Variants in KCND2 observed in about 807,000 individuals in gnomAD.
KCND2 encodes the protein potassium voltage-gated channel subfamily D member 2, also known as A-type voltage-gated potassium channel KCND2.
In KCND2, 16 loss-of-function variants were observed where a neutral mutation model predicts 54.4. The observed-to-expected ratio is 0.29, with a 90% confidence interval of 0.20 to 0.45. KCND2 has a LOEUF of 0.45. Among genes scored for constraint, KCND2 ranks in the 20% least tolerant of loss-of-function variants. The pLI, the probability that KCND2 is intolerant of heterozygous loss-of-function variation, is 1.00. For missense variants in KCND2, 486 were observed against 824.2 expected (o/e 0.59, Z 5.02); for synonymous variants, 317 against 310.7 (o/e 1.02, Z -0.21).
At chr7:120,525,517 G>T (rs1183213485) in intron 1 of KCND2, among the ~76,000 whole-genome samples, 1 of 152,092 alleles carries the variant, frequency 6.6e-6, no homozygotes, top group African/African-American at 2.4e-5. Flanking sequence ...CAAAATTCCT[G>T]CTTACAATTC....
At chr7:120,539,803 C>G (rs576145610) in intron 1 of KCND2, among the ~76,000 whole-genome samples, 1 of 152,070 alleles carries the variant, frequency 6.6e-6, no homozygotes, top group East Asian at 1.9e-4. Context: ...AATCCCAATC[C>G]CAATACAGTA....
rs777858387 is a variant in KCND2, at chr7:120,575,743, T to C, written c.1116-157160T>C. Among the ~76,000 whole-genome samples, 55 of 152,208 alleles carry C rather than the reference T, an allele frequency of 3.6e-4. 1 individual carries two copies. The highest frequency in any genetic ancestry group is 1.0e-4 in the Non-Finnish European group (7 of 68,032). ...GTGCTTAAATCAAACGAATACGTTCTTATTTAGCCCTGAATGTCTGGCTAT... is the reference window on the plus strand; with the variant it reads ...GTGCTTAAATCAAACGAATACGTTCCTATTTAGCCCTGAATGTCTGGCTAT... On this transcript the variant is annotated intron_variant, in intron 1 of 5. Transcript: ENST00000331113.
intron 1 of KCND2, among the ~76,000 whole-genome samples, chr7:120,541,614 A>G (rs1370072222): frequency 6.6e-6 from 1 of 152,120 alleles, no homozygotes; most frequent in Non-Finnish European, 1.5e-5. Flanking sequence ...AAGGTCCTTC[A>G]GTTGGCTGCC....
intron 2 of KCND2, among the ~76,000 whole-genome samples, chr7:120,737,132 C>A (rs1168799043): frequency 5.4e-5 from 8 of 148,282 alleles, no homozygotes; most frequent in African/African-American, 1.7e-4. Flanking sequence ...ACTCCCAAAT[C>A]ATCAGACTCT....
At chr7:120,482,368 A>C (rs542280388) in intron 1 of KCND2, among the ~76,000 whole-genome samples, 1 of 152,286 alleles carries the variant, frequency 6.6e-6, no homozygotes, top group African/African-American at 2.4e-5. Context: ...TAGATTTTGG[A>C]CTTTTGAACT....
At chr7:120,741,294 TTAATTA>T (rs1792937858) in intron 2 of KCND2, among the ~76,000 whole-genome samples, 1 of 152,166 alleles carries the variant, frequency 6.6e-6, no homozygotes, top group African/African-American at 2.4e-5. Flanking sequence ...TTGTAAAGAC[TTAATTA>T]TAATTCTTAA....
rs537553821 is a variant in KCND2, at chr7:120,601,750, T to C, written c.1116-131153T>C. Among the ~76,000 whole-genome samples, 4 of 152,282 alleles carry C rather than the reference T, an allele frequency of 2.6e-5. No individual in the cohort carries two copies. The East Asian group carries it at 7.7e-4, about 29-fold the overall frequency. On this transcript the variant is annotated intron_variant, in intron 1 of 5. Transcript: ENST00000331113. Reference sequence around the variant, plus strand: ...CTGCAAAGACACCCTGACCAATTCTTTCTACCTCTGCCCACAAAAATTTGA... The same window carrying C: ...CTGCAAAGACACCCTGACCAATTCTCTCTACCTCTGCCCACAAAAATTTGA...
At chr7:120,306,144 C>A (rs553137468) in intron 1 of KCND2, among the ~76,000 whole-genome samples, 1 of 152,014 alleles carries the variant, frequency 6.6e-6, no homozygotes, top group Non-Finnish European at 1.5e-5. Flanking sequence ...TTTTGTGTCT[C>A]TTACCTTATC....
intron 1 of KCND2, among the ~76,000 whole-genome samples, chr7:120,315,934 G>A (rs545178712): frequency 1.3e-5 from 2 of 152,140 alleles, no homozygotes; most frequent in Admixed American, 6.5e-5. Flanking sequence ...GTTTGTGGAT[G>A]TATCAGAATT....
At chr7:120,674,089 A>G (rs1792027963) in intron 1 of KCND2, among the ~76,000 whole-genome samples, 1 of 151,976 alleles carries the variant, frequency 6.6e-6, no homozygotes, top group Admixed American at 6.5e-5. Flanking sequence ...TTTTTAGTAG[A>G]GATGGGGTTT....
At position 120,274,585 on chromosome 7, in the gene KCND2, C is replaced by G. The variant is rs1584706036; in HGVS notation, c.-48C>G. 6.2e-7 allele frequency: 1 copy of G among 1,612,728 alleles called. No homozygotes were observed. Among genetic ancestry groups the G allele is most frequent in the East Asian group, 2.2e-5 (1 of 44,844 alleles). On this transcript the variant is annotated 5_prime_UTR_variant, in exon 1 of 6. Coordinates refer to ENST00000331113, the MANE Select transcript of KCND2 (RefSeq NM_012281.3). ...GGGTGACTTTTGGCTGCTTCGGTGA[C>G]CCATTGTAGACGCCTCGTTACCCTT... is the stretch of plus-strand genomic sequence containing the variant.
intron 1 of KCND2, among the ~76,000 whole-genome samples, chr7:120,359,557 G>A (rs999463320): frequency 2.0e-5 from 3 of 152,000 alleles, no homozygotes; most frequent in Admixed American, 6.6e-5. Flanking sequence ...GTAGTTCCTC[G>A]TTATTCCCTT....
In KCND2 at chr7:120,732,993, T is replaced by C; in HGVS notation, c.1206T>C (p.Val402=). The part of the protein sequence containing the change: ...LSGVLVIALP[V]PVIVSNFSRI... ...GGGTCTTGGTCATTGCTCTACCTGTTCCGGTGATTGTATCCAACTTCAGTC... is the reference window on the plus strand; with the variant it reads ...GGGTCTTGGTCATTGCTCTACCTGTCCCGGTGATTGTATCCAACTTCAGTC... The change falls in exon 2 of 6, where the codon GTT becomes GTC. Residue 402 remains valine (V), a synonymous_variant. Transcript: ENST00000331113. 1 of 1,613,724 alleles carries C rather than the reference T, an allele frequency of 6.2e-7. No individual in the cohort carries two copies. The highest frequency in any genetic ancestry group is 8.5e-7 in the Non-Finnish European group (1 of 1,179,780).
chr7:120,465,281 T>A (rs1802350538), intron 1 of KCND2, among the ~76,000 whole-genome samples: 1 of 152,146 alleles, frequency 6.6e-6, no homozygotes, highest in Non-Finnish European at 1.5e-5. Flanking sequence ...TTCATTTCTA[T>A]GTAGCGAAGA....
At chr7:120,617,224 A>ACCAGT (rs973350801) in intron 1 of KCND2, among the ~76,000 whole-genome samples, 2 of 152,158 alleles carry the variant, frequency 1.3e-5, no homozygotes, top group Admixed American at 1.3e-4. Context: ...CATTCAAAAT[A>ACCAGT]CCAGTTGTAT....
At chr7:120,484,704 C>T (rs1802667624) in intron 1 of KCND2, among the ~76,000 whole-genome samples, 1 of 92,532 alleles carries the variant, frequency 1.1e-5, no homozygotes, top group African/African-American at 5.9e-5. Context: ...ATTACACGCA[C>T]ACACACACAC....
intron 1 of KCND2, among the ~76,000 whole-genome samples, chr7:120,595,025 GAAA>G (rs1156421712): frequency 1.0e-5 from 1 of 97,766 alleles, no homozygotes; most frequent in African/African-American, 3.9e-5. Flanking sequence ...CGTCTCAAAA[GAAA>G]AAAAAAAAAA....
chr7:120,413,238 T>A (rs1313451899), intron 1 of KCND2, among the ~76,000 whole-genome samples: 1 of 152,064 alleles, frequency 6.6e-6, no homozygotes, highest in Non-Finnish European at 1.5e-5. Flanking sequence ...AAGGAACTAT[T>A]TTAGCATAAT....
At chr7:120,576,135 C>G (rs1792429888) in intron 1 of KCND2, among the ~76,000 whole-genome samples, 1 of 152,122 alleles carries the variant, frequency 6.6e-6, no homozygotes, top group East Asian at 1.9e-4. Context: ...ATATAGTCTT[C>G]TTCAGCAATT....
Sources: allele counts gnomAD v4.1 joint callset (sites outside exome capture counted in the v4.1 genomes callset), GRCh38; gene constraint gnomAD v4.1.1; transcripts MANE v1.5; gene names NCBI Gene and HGNC (gene_info 2026-07-23, HGNC 2026-07-21).